Variants in NALF1 observed in about 807,000 individuals in gnomAD.
NALF1 encodes the protein NALCN channel auxiliary factor 1.
A neutral mutation model predicts 48.4 loss-of-function variants in NALF1; 3 were observed. The observed-to-expected ratio is 0.06, with a 90% confidence interval of 0.03 to 0.16. NALF1 has a LOEUF of 0.16. Among genes scored for constraint, NALF1 ranks in the 10% least tolerant of loss-of-function variants. The pLI, the probability that NALF1 is intolerant of heterozygous loss-of-function variation, is 1.00. For synonymous variants in NALF1, 262 were observed against 245.7 expected (o/e 1.07, Z -0.62); for missense variants, 526 against 571.5 (o/e 0.92, Z 0.81).
At chr13:107,394,523 T>A (rs1010037745) in intron 1 of NALF1, among the ~76,000 whole-genome samples, 2 of 152,288 alleles carry the variant, frequency 1.3e-5, no homozygotes, top group African/African-American at 4.8e-5. Context: ...CAGGCCTGTG[T>A]ATAGACATAT....
chr13:107,607,024 T>C (rs928494564), intron 1 of NALF1, among the ~76,000 whole-genome samples: 5 of 152,206 alleles, frequency 3.3e-5, no homozygotes, highest in Non-Finnish European at 5.9e-5. Context: ...ATTCTTATTA[T>C]ATTTATACAT....
At chr13:107,492,378 G>A (rs1263495487) in intron 1 of NALF1, among the ~76,000 whole-genome samples, 2 of 152,004 alleles carry the variant, frequency 1.3e-5, no homozygotes. Context: ...ACCCTCATAT[G>A]AAGAATTAAT....
chr13:107,233,355 G>A (rs1880267096), intron 1 of NALF1, among the ~76,000 whole-genome samples: 1 of 152,108 alleles, frequency 6.6e-6, no homozygotes, highest in Non-Finnish European at 1.5e-5. Context: ...ATCAGTAGTG[G>A]TATCATCTTT....
At chr13:107,696,551 AGTGTGTGTGTGTGTGTGTGTGTGT>A (rs58345595) in intron 1 of NALF1, among the ~76,000 whole-genome samples, 2 of 146,814 alleles carry the variant, frequency 1.4e-5, no homozygotes, top group Non-Finnish European at 3.0e-5. Flanking sequence ...CTCCAAGTTG[AGTGTGTGTGTGTGTGTGTGTGTGT>A]GTGTGTGTGT....
chr13:107,633,713 A>ATG (rs1254817179), intron 1 of NALF1, among the ~76,000 whole-genome samples: 161 of 141,808 alleles, frequency 1.1e-3, no homozygotes, highest in Non-Finnish European at 1.6e-3. Flanking sequence ...TTTCATATAT[A>ATG]TGTGTGTGTA....
At position 107,866,987 on chromosome 13, in the gene NALF1, G is replaced by C. The variant is rs1434351688; in HGVS notation, c.-391C>G. On this transcript the variant is annotated 5_prime_UTR_variant, in exon 1 of 3. Transcript: ENST00000375915. The surrounding 1 kb of genome is among the most constrained non-coding windows in gnomAD (Gnocchi z 4.4). ...GCAGGGGGCGATGGTGGAGGTGACA[G>C]GGTGGCTGGCGCGGCTCCGGTCACC... Among the ~76,000 whole-genome samples the C allele has an allele frequency of 6.6e-6, 1 of 151,956 alleles. No homozygotes were observed. The highest frequency in any genetic ancestry group is 1.5e-5 in the Non-Finnish European group (1 of 67,976).
chr13:107,511,231 T>C lies in NALF1; in HGVS notation c.916-300476A>G, dbSNP rs112203847. On this transcript the variant is annotated intron_variant, in intron 1 of 2. Coordinates refer to ENST00000375915, the MANE Select transcript of NALF1 (RefSeq NM_001080396.3). ...TTAGTGAGCAGAAGCAAGTCTCAAA[T>C]CCGACTCTTCCGTTGTCTGTACATA... Among the ~76,000 whole-genome samples, 470 of 152,310 alleles carry C rather than the reference T, an allele frequency of 3.1e-3. 3 individuals are homozygous for C. The highest frequency in any genetic ancestry group is 6.8e-3 in the Middle Eastern group (2 of 294).
chr13:107,646,782 C>A (rs952591656), intron 1 of NALF1, among the ~76,000 whole-genome samples: 1 of 151,946 alleles, frequency 6.6e-6, no homozygotes, highest in African/African-American at 2.4e-5. Flanking sequence ...AAGAGCTTGT[C>A]AGTAAAATTT....
chr13:107,441,880 G>A (rs1011710032), intron 1 of NALF1, among the ~76,000 whole-genome samples: 1 of 152,162 alleles, frequency 6.6e-6, no homozygotes, highest in Non-Finnish European at 1.5e-5. Flanking sequence ...AAGTGAATGT[G>A]CAATAGGAAA....
intron 1 of NALF1, among the ~76,000 whole-genome samples, chr13:107,580,447 G>C (rs957001919): frequency 6.6e-6 from 1 of 152,050 alleles, no homozygotes; most frequent in Non-Finnish European, 1.5e-5. Flanking sequence ...TCATTCATGT[G>C]TCAAGCCCAA....
chr13:107,653,562 T>C (rs906386422), intron 1 of NALF1, among the ~76,000 whole-genome samples: 1 of 152,050 alleles, frequency 6.6e-6, no homozygotes, highest in African/African-American at 2.4e-5. Context: ...TTTTTGTTTT[T>C]CATTTCAATG....
chr13:107,586,910 C>T (rs1191873696), intron 1 of NALF1, among the ~76,000 whole-genome samples: 1 of 151,792 alleles, frequency 6.6e-6, no homozygotes, highest in Non-Finnish European at 1.5e-5. Context: ...AATAGATTTA[C>T]CATGATTAAT....
At chr13:107,325,853 CACATATAT>C (rs1208180029) in intron 1 of NALF1, among the ~76,000 whole-genome samples, 11 of 50,006 alleles carry the variant, frequency 2.2e-4, no homozygotes, top group African/African-American at 5.3e-4. Flanking sequence ...CACACACACA[CACATATAT>C]ATATATATAT....
chr13:107,451,623 C>T (rs1884741705), intron 1 of NALF1, among the ~76,000 whole-genome samples: 1 of 152,198 alleles, frequency 6.6e-6, no homozygotes, highest in Non-Finnish European at 1.5e-5. Flanking sequence ...TTCCTCTTCA[C>T]TGGTTCTCTC....
chr13:107,782,844 A>AC (rs1349159770), intron 1 of NALF1, among the ~76,000 whole-genome samples: 1 of 131,206 alleles, frequency 7.6e-6, no homozygotes, highest in Non-Finnish European at 1.6e-5. Context: ...AAGTGAGGAG[A>AC]CCCTCCGCCC....
At chr13:107,832,545 C>T (rs1426147578) in intron 1 of NALF1, among the ~76,000 whole-genome samples, 2 of 152,144 alleles carry the variant, frequency 1.3e-5, no homozygotes, top group African/African-American at 4.8e-5. Context: ...CACCATCACC[C>T]TTCAAAAACT....
chr13:107,851,985 A>T (rs1488645494), intron 1 of NALF1, among the ~76,000 whole-genome samples: 5 of 148,376 alleles, frequency 3.4e-5, no homozygotes, highest in South Asian at 2.1e-4. Context: ...TTTTTTTTTA[A>T]TTTGGGGGGT....
At chr13:107,420,964 C>T (rs1884175735) in intron 1 of NALF1, among the ~76,000 whole-genome samples, 1 of 152,076 alleles carries the variant, frequency 6.6e-6, no homozygotes, top group African/African-American at 2.4e-5. Flanking sequence ...TCCCCATTAT[C>T]TTTATTTGAG....
chr13:107,442,428 T>C (rs1380581708), intron 1 of NALF1, among the ~76,000 whole-genome samples: 2 of 152,240 alleles, frequency 1.3e-5, no homozygotes, highest in Non-Finnish European at 2.9e-5. Flanking sequence ...TTGTTGTCTG[T>C]GTACCCCTAG....
Sources: gnomAD v4.1 joint callset for allele counts (sites outside exome capture counted in the v4.1 genomes callset) on GRCh38, gnomAD v4.1.1 for gene constraint, Gnocchi (gnomAD v3.1) non-coding constraint, MANE v1.5 for transcripts, NCBI Gene and HGNC (gene_info 2026-07-23, HGNC 2026-07-21) for gene names.